The following PLXNA2 variants were observed in gnomAD, a reference collection of about 807,000 sequenced individuals.
PLXNA2 encodes plexin-A2.
A neutral mutation model predicts 193.5 loss-of-function variants in PLXNA2; 91 were observed. The observed-to-expected ratio is 0.47, with a 90% confidence interval of 0.40 to 0.56. The LOEUF is 0.56. Ranked by LOEUF, PLXNA2 falls within the 20% of genes least tolerant of loss-of-function variation. PLXNA2 has a pLI of 0.00. For missense variants in PLXNA2, 1,995 were observed against 2,503.2 expected, an observed-to-expected ratio of 0.80 and a Z score of 4.33; for synonymous variants, 997 against 1,027.3, an observed-to-expected ratio of 0.97 and a Z score of 0.56.
chr1:208,061,337 G>C (rs1357611156), intron 12 of PLXNA2, among the ~76,000 whole-genome samples: 2 of 152,202 alleles, frequency 1.3e-5, no homozygotes, highest in Non-Finnish European at 2.9e-5. Flanking sequence ...CCTGCTGTGT[G>C]CTACAGCCTG....
chr1:208,192,934 C>CTAAATA (rs1459292035), intron 3 of PLXNA2, among the ~76,000 whole-genome samples: 1 of 150,660 alleles, frequency 6.6e-6, no homozygotes, highest in African/African-American at 2.4e-5. Flanking sequence ...GACAAAGGGT[C>CTAAATA]TTAATATTTT....
chr1:208,195,858 C>G (rs1318640615), intron 3 of PLXNA2, among the ~76,000 whole-genome samples: 2 of 151,884 alleles, frequency 1.3e-5, no homozygotes, highest in African/African-American at 2.4e-5. Flanking sequence ...TGTCTATGAC[C>G]ATTCCTCTGG....
At chr1:208,128,691 CTTTCTTTTTTTTTTTTT>C (rs1171105757) in intron 4 of PLXNA2, among the ~76,000 whole-genome samples, 2 of 77,360 alleles carry the variant, frequency 2.6e-5, no homozygotes, top group African/African-American at 1.0e-4. Flanking sequence ...TTTCCTGTTT[CTTTCTTTTTTTTTTTTT>C]TTTTTTTTTT....
chr1:208,123,363 G>T (rs762319069), intron 4 of PLXNA2, among the ~76,000 whole-genome samples: 6 of 152,216 alleles, frequency 3.9e-5, no homozygotes, highest in Non-Finnish European at 8.8e-5. Flanking sequence ...AAATCCCACT[G>T]ATCCAGTTTA....
chr1:208,169,537 T>C (rs1030982466), intron 3 of PLXNA2, among the ~76,000 whole-genome samples: 7 of 152,250 alleles, frequency 4.6e-5, no homozygotes, highest in Non-Finnish European at 1.0e-4. Flanking sequence ...ACAGAGCCCC[T>C]GTCCTAGAAG....
At chr1:208,133,870 C>A (rs993212850) in intron 4 of PLXNA2, among the ~76,000 whole-genome samples, 3 of 152,166 alleles carry the variant, frequency 2.0e-5, no homozygotes, top group South Asian at 2.1e-4. Context: ...GCATCAGTTT[C>A]CCCATATTTA....
At chr1:208,069,202 C>T (rs1289534098) in intron 12 of PLXNA2, among the ~76,000 whole-genome samples, 3 of 152,162 alleles carry the variant, frequency 2.0e-5, no homozygotes, top group African/African-American at 7.2e-5. Context: ...TGGCAGGGGA[C>T]TAAGTAGCAG....
In PLXNA2 at chr1:208,033,461, G is replaced by A; in HGVS notation, c.4913C>T (p.Ala1638Val). Reference sequence around the variant, plus strand: ...TTCCAGGTCTGGGGTGATCATCGGGGCCCGGGACCGCAGGCTGTCGGGGCT... The same window carrying A: ...TTCCAGGTCTGGGGTGATCATCGGGACCCGGGACCGCAGGCTGTCGGGGCT... ...TGSPDSLRSRAPMITPDLESG... is the reference protein window; with the variant it reads ...TGSPDSLRSRVPMITPDLESG... The change falls in exon 28 of 32, where the codon GCC (alanine) becomes GTC (valine). Residue 1638 changes from alanine (A) to valine (V), a missense_variant. By Grantham distance (64) the Ala-to-Val change is moderately conservative. Around this residue, in one of 3 missense-constraint regions of PLXNA2, gnomAD observed 1,291 missense variants for 1,673.6 expected, o/e 0.77. Transcript: ENST00000367033. The A allele has an allele frequency of 6.2e-7, 1 of 1,613,374 alleles. No homozygotes were observed. The highest frequency in any genetic ancestry group is 8.5e-7 in the Non-Finnish European group (1 of 1,179,522).
chr1:208,156,517 G>A (rs2102506990), intron 3 of PLXNA2, among the ~76,000 whole-genome samples: 1 of 152,254 alleles, frequency 6.6e-6, no homozygotes, highest in African/African-American at 2.4e-5. Context: ...GCTCAGAGAG[G>A]TTAAGTGACT....
In PLXNA2 at chr1:208,042,106, T is replaced by C; in HGVS notation, c.4278A>G (p.Leu1426=). The change falls in exon 22 of 32, where the codon CTA becomes CTG. Residue 1426 remains leucine (L), a synonymous_variant. Transcript: ENST00000367033. ...NLENKNHPKL[L]LRRTESVAEK... ...ACTGCTGCGGGCCAGACCTCCGGAG[T>C]AGCAGCTTGGGGTGGTTCTTGTTCT... The C allele has an allele frequency of 6.2e-7, 1 of 1,613,646 alleles. No homozygotes were observed. Among genetic ancestry groups the C allele is most frequent in the Non-Finnish European group, 8.5e-7 (1 of 1,179,718 alleles).
chr1:208,175,985 T>C (rs1018426669), intron 3 of PLXNA2, among the ~76,000 whole-genome samples: 1 of 152,238 alleles, frequency 6.6e-6, no homozygotes, highest in African/African-American at 2.4e-5. Context: ...CTGTTTCTGT[T>C]GGAACCAACC....
intron 6 of PLXNA2, 26 bp from the exon 7 acceptor site, chr1:208,096,909 C>T: frequency 6.2e-7 from 1 of 1,602,716 alleles, no homozygotes; most frequent in Non-Finnish European, 8.5e-7. Context: ...AGAGATGATG[C>T]CAAAGAAATG....
At chr1:208,120,631 T>C (rs1174078017) in intron 4 of PLXNA2, among the ~76,000 whole-genome samples, 1 of 152,216 alleles carries the variant, frequency 6.6e-6, no homozygotes, top group Non-Finnish European at 1.5e-5. Flanking sequence ...TTTCAGCCCC[T>C]ACTTGCCCCT....
At position 208,046,073 on chromosome 1, in the gene PLXNA2, G is replaced by A. The variant is rs1558163101; in HGVS notation, c.3300C>T (p.Pro1100=). 6.2e-7 allele frequency: 1 copy of A among 1,614,248 alleles called. No individual in the cohort carries two copies. The highest frequency in any genetic ancestry group is 8.5e-7 in the Non-Finnish European group (1 of 1,180,036). Residue 1100 remains proline, a synonymous_variant, in exon 18 of 32, where the codon CCC becomes CCT. Transcript: ENST00000367033. ...CAGGGCGGTAGTCCGTGGTCAGAGA[G>A]GGTGCCAGGCAGGTGAGGGTGGTTG... ...VNTTTLTCLA[P]SLTTDYRPGL... is the part of the protein sequence containing the mutation.
intron 12 of PLXNA2, among the ~76,000 whole-genome samples, chr1:208,073,371 A>T (rs1028869890): frequency 1.7e-4 from 26 of 152,182 alleles, no homozygotes; most frequent in African/African-American, 6.3e-4. Flanking sequence ...CCTGCAGGGC[A>T]GTCAGTTTCC....
intron 3 of PLXNA2, among the ~76,000 whole-genome samples, chr1:208,151,296 C>T (rs1344388913): frequency 2.0e-5 from 3 of 152,154 alleles, no homozygotes; most frequent in East Asian, 1.9e-4. Flanking sequence ...TGTGGGCACT[C>T]GGAATCTCCA....
intron 3 of PLXNA2, among the ~76,000 whole-genome samples, chr1:208,148,547 T>C (rs1004969721): frequency 3.3e-5 from 5 of 152,200 alleles, no homozygotes; most frequent in Non-Finnish European, 5.9e-5. Context: ...ATATTGTGAA[T>C]GTAAAATGAG....
At chr1:208,147,164 G>A (rs926370745) in intron 3 of PLXNA2, among the ~76,000 whole-genome samples, 1 of 152,124 alleles carries the variant, frequency 6.6e-6, no homozygotes, top group Non-Finnish European at 1.5e-5. Context: ...TGGGACTACA[G>A]GTGTGCACCA....
chr1:208,145,347 G>A (rs955073372), intron 3 of PLXNA2, among the ~76,000 whole-genome samples: 4 of 152,206 alleles, frequency 2.6e-5, no homozygotes, highest in African/African-American at 9.7e-5. Context: ...GCAGCTGCAG[G>A]GCTGGGTCCC....
Sources: allele counts gnomAD v4.1 joint callset (sites outside exome capture counted in the v4.1 genomes callset), GRCh38; gene constraint gnomAD v4.1.1; regional missense constraint gnomAD v4.1.1; transcripts MANE v1.5; gene names NCBI Gene and HGNC (gene_info 2026-07-23, HGNC 2026-07-21).